Variants in KCNMA1 observed in about 807,000 individuals in gnomAD.
KCNMA1 encodes potassium calcium-activated channel subfamily M alpha 1.
KCNMA1 carries 29 observed loss-of-function variants against 140.0 expected under a neutral mutation model. The observed-to-expected ratio is 0.21, with a 90% confidence interval of 0.15 to 0.28. The LOEUF is 0.28. Ranked by LOEUF, KCNMA1 falls within the 10% of genes least tolerant of loss-of-function variation. The pLI is 1.00. For missense variants in KCNMA1, 880 were observed against 1,602.2 expected (o/e 0.55, Z 7.70); for synonymous variants, 612 against 611.9 (o/e 1.00, Z 0.00).
chr10:77,153,340 C>T (rs2098445808), intron 5 of KCNMA1, among the ~76,000 whole-genome samples: 1 of 152,230 alleles, frequency 6.6e-6, no homozygotes, highest in Non-Finnish European at 1.5e-5. Context: ...CTTAACTACA[C>T]CCAAATCTTC....
chr10:76,972,659 A>G (rs1026656228), intron 19 of KCNMA1, among the ~76,000 whole-genome samples: 6 of 152,232 alleles, frequency 3.9e-5, no homozygotes, highest in African/African-American at 1.4e-4. Flanking sequence ...TCGTAATCAT[A>G]CTGCATTTAA....
In KCNMA1 at chr10:76,885,949, C is replaced by A. The variant is rs144425848; in HGVS notation, c.*1317G>T. On this transcript the variant is annotated 3_prime_UTR_variant, in exon 28 of 28. Coordinates refer to ENST00000286628, the MANE Select transcript of KCNMA1 (RefSeq NM_001161352.2). ...AATGACAAGGAGCAGCTCTCTATTG[C>A]CGTCATTACCCTGCCTAAATTGGCT... 2 of 985,318 alleles carry A rather than the reference C, an allele frequency of 2.0e-6. No homozygotes were observed. The highest frequency in any genetic ancestry group is 4.7e-5 in the South Asian group (1 of 21,288). The allele number at this position is 985,318 out of a possible 1,614,324, so 61.0% of individuals were successfully genotyped here. A position where few individuals can be genotyped will look rare whatever the true frequency, so the allele number is the denominator to read the frequency against.
intron 2 of KCNMA1, among the ~76,000 whole-genome samples, chr10:77,400,213 G>A (rs1408860330): frequency 6.6e-6 from 1 of 152,186 alleles, no homozygotes; most frequent in African/African-American, 2.4e-5. Context: ...TTCAGTGCAG[G>A]GACCTGCCTG....
At chr10:77,427,715 C>T (rs2395482) in intron 1 of KCNMA1, among the ~76,000 whole-genome samples, 1,814 of 62,044 alleles carry the variant, frequency 0.029, 20 homozygotes, top group South Asian at 0.038. Flanking sequence ...GAGCATCCAT[C>T]CATTCATTTA....
intron 1 of KCNMA1, among the ~76,000 whole-genome samples, chr10:77,452,306 C>T (rs749919193): frequency 2.6e-5 from 4 of 152,130 alleles, no homozygotes; most frequent in South Asian, 4.2e-4. Flanking sequence ...ACATTTGAGG[C>T]GGAGATTCAG....
At chr10:77,393,671 A>C (rs1373911486) in intron 2 of KCNMA1, among the ~76,000 whole-genome samples, 1 of 152,198 alleles carries the variant, frequency 6.6e-6, no homozygotes, top group Non-Finnish European at 1.5e-5. Context: ...TCCCAGGGAG[A>C]GAGGCAATGC....
intron 18 of KCNMA1, among the ~76,000 whole-genome samples, chr10:77,005,266 T>G (rs535153876): frequency 6.6e-6 from 1 of 152,186 alleles, no homozygotes; most frequent in African/African-American, 2.4e-5. Flanking sequence ...TGGCTTCTCA[T>G]GATCCACAGC....
At chr10:77,568,443 T>C (rs2069259955) in intron 1 of KCNMA1, among the ~76,000 whole-genome samples, 1 of 152,318 alleles carries the variant, frequency 6.6e-6, no homozygotes, top group East Asian at 1.9e-4. Context: ...TGCAAATCAA[T>C]AAATGTAATC....
intron 23 of KCNMA1, among the ~76,000 whole-genome samples, chr10:76,936,021 C>G (rs529524664): frequency 9.9e-4 from 150 of 152,152 alleles, no homozygotes; most frequent in Non-Finnish European, 2.0e-3. Flanking sequence ...GAATACATTA[C>G]TAGAATAGTA....
At chr10:77,382,164 ACCGAGTAAGC>A (rs775160443) in intron 2 of KCNMA1, among the ~76,000 whole-genome samples, 12 of 152,098 alleles carry the variant, frequency 7.9e-5, no homozygotes, top group Non-Finnish European at 1.5e-4. Context: ...TCTCTGCACC[ACCGAGTAAGC>A]CTTCTGCCTG....
At chr10:76,995,463 C>A (rs1185724525) in intron 19 of KCNMA1, 1 of 429,222 alleles carries the variant, frequency 2.3e-6, no homozygotes, top group South Asian at 1.7e-5. Flanking sequence ...CTAATTCAAA[C>A]CTCTGCTTGT....
intron 6 of KCNMA1, among the ~76,000 whole-genome samples, chr10:77,117,539 C>CAAAAAAAAAAAAAAAAAAAAAAAAAAAAA (rs56926398): frequency 3.1e-4 from 7 of 22,510 alleles, no homozygotes; most frequent in Non-Finnish European, 4.9e-4. Flanking sequence ...GAGTCTATCT[C>CAAAAAAAAAAAAAAAAAAAAAAAAAAAAA]AAAAAAAAAA....
chr10:77,040,043 T>C (rs2094574907), intron 14 of KCNMA1, among the ~76,000 whole-genome samples: 1 of 146,452 alleles, frequency 6.8e-6, no homozygotes, highest in Non-Finnish European at 1.5e-5. Flanking sequence ...TCACCACACC[T>C]GGCAATTTTT....
intron 1 of KCNMA1, among the ~76,000 whole-genome samples, chr10:77,523,208 C>CCCA (rs1555416244): frequency 1.3e-5 from 2 of 149,850 alleles, no homozygotes; most frequent in South Asian, 2.2e-4. Flanking sequence ...GACGTGCCCC[C>CCCA]CCCCCTTGCA....
At chr10:77,543,325 G>A (rs1369578857) in intron 1 of KCNMA1, among the ~76,000 whole-genome samples, 7 of 152,158 alleles carry the variant, frequency 4.6e-5, no homozygotes, top group Admixed American at 3.9e-4. Flanking sequence ...CTGACACCAT[G>A]GCAGAGGTTT....
intron 21 of KCNMA1, among the ~76,000 whole-genome samples, chr10:76,950,161 G>A (rs1451324001): frequency 6.6e-6 from 1 of 152,130 alleles, no homozygotes; most frequent in Non-Finnish European, 1.5e-5. Flanking sequence ...TAGCAACAGA[G>A]ATCTTATACC....
At chr10:77,345,951 C>G (rs143119339) in intron 2 of KCNMA1, among the ~76,000 whole-genome samples, 176 of 152,306 alleles carry the variant, frequency 1.2e-3, no homozygotes, top group African/African-American at 4.1e-3. Context: ...AGCTCTATCC[C>G]CTTGAGCCAT....
At chr10:77,466,189 C>T (rs922862149) in intron 1 of KCNMA1, among the ~76,000 whole-genome samples, 9 of 152,210 alleles carry the variant, frequency 5.9e-5, no homozygotes, top group Non-Finnish European at 1.3e-4. Context: ...AGCATGGACT[C>T]TCCACACCCA....
At chr10:76,890,059 CTCTT>C (rs975980475) in intron 26 of KCNMA1, among the ~76,000 whole-genome samples, 113 of 152,324 alleles carry the variant, frequency 7.4e-4, no homozygotes, top group African/African-American at 2.6e-3. Flanking sequence ...TGGTGACAGA[CTCTT>C]TCAGGAGGTA....
Sources: gnomAD v4.1 joint callset for allele counts (sites outside exome capture counted in the v4.1 genomes callset) on GRCh38, gnomAD v4.1.1 for gene constraint, MANE v1.5 for transcripts, NCBI Gene and HGNC (gene_info 2026-07-23, HGNC 2026-07-21) for gene names.